Variants in PRKCE observed in about 807,000 individuals in gnomAD.
PRKCE encodes protein kinase C epsilon type.
PRKCE carries 16 observed loss-of-function variants against 85.4 expected under a neutral mutation model. The ratio of observed to expected loss-of-function variants is 0.19; its 90% CI spans 0.13 to 0.28. The LOEUF is 0.28. PRKCE is among the 10% of genes least tolerant of loss of function. The pLI, the probability that PRKCE is intolerant of heterozygous loss-of-function variation, is 1.00. For missense variants in PRKCE, 573 were observed against 975.2 expected, an observed-to-expected ratio of 0.59 and a Z score of 5.49; for synonymous variants, 388 against 371.5, an observed-to-expected ratio of 1.04 and a Z score of -0.51.
chr2:45,823,013 C>A (rs895014631), intron 1 of PRKCE, among the ~76,000 whole-genome samples: 2 of 152,168 alleles, frequency 1.3e-5, no homozygotes, highest in Admixed American at 6.5e-5. Flanking sequence ...TCCTGTTAAA[C>A]CCCCACTCCC....
intron 2 of PRKCE, among the ~76,000 whole-genome samples, chr2:45,951,750 G>A (rs1487671635): frequency 6.6e-6 from 1 of 152,254 alleles, no homozygotes; most frequent in African/African-American, 2.4e-5. Context: ...TTTGTGCCAA[G>A]CTGGATCAAA....
intron 10 of PRKCE, among the ~76,000 whole-genome samples, chr2:46,021,099 G>T (rs925784196): frequency 6.6e-6 from 1 of 152,162 alleles, no homozygotes; most frequent in Admixed American, 6.5e-5. Context: ...CTGGGGCATT[G>T]GGGGGCAGGG....
chr2:45,742,618 GCATGTTGGTGAGGATGTGGAGATAA>G (rs1017680916), intron 1 of PRKCE, among the ~76,000 whole-genome samples: 5 of 152,126 alleles, frequency 3.3e-5, no homozygotes, highest in Admixed American at 2.0e-4. Context: ...AGATAATACT[GCATGTTGGTGAGGATGTGGAGATAA>G]CATGTTGGTG....
chr2:45,805,276 T>C (rs1688157620), intron 1 of PRKCE, among the ~76,000 whole-genome samples: 2 of 152,288 alleles, frequency 1.3e-5, no homozygotes, highest in South Asian at 2.1e-4. Flanking sequence ...TCAAACCCAG[T>C]TGGACAGCAT....
At chr2:46,110,252 T>G (rs772829415) in intron 11 of PRKCE, among the ~76,000 whole-genome samples, 13 of 152,290 alleles carry the variant, frequency 8.5e-5, no homozygotes, top group Admixed American at 2.6e-4. Context: ...TGGAACAGAT[T>G]GTGGATAATT....
rs989878420 is a variant in PRKCE, at chr2:46,007,889, A to T, written c.1263+228A>T. Among the ~76,000 whole-genome samples, 3 of 152,302 alleles carry T rather than the reference A, an allele frequency of 2.0e-5. No homozygotes were observed. The South Asian group carries it at 6.2e-4, about 32-fold the overall frequency. On this transcript the variant is annotated intron_variant, in intron 9 of 14. Coordinates refer to ENST00000306156, the MANE Select transcript of PRKCE (RefSeq NM_005400.3). The stretch of plus-strand genomic sequence containing the variant: ...AGTGATTTAATCTCTTTGGAATTCA[A>T]TTTTTCTCATTTGTTGAATGGGGAC...
chr2:46,095,804 A>C (rs1670627179), intron 11 of PRKCE, among the ~76,000 whole-genome samples: 2 of 152,246 alleles, frequency 1.3e-5, no homozygotes. Flanking sequence ...TGAATATTCA[A>C]TATCTACAGT....
intron 2 of PRKCE, among the ~76,000 whole-genome samples, chr2:45,964,161 A>C (rs1251916556): frequency 2.0e-5 from 3 of 152,086 alleles, no homozygotes; most frequent in Non-Finnish European, 4.4e-5. Context: ...TCGAGGGAGG[A>C]ATGTCCCACT....
At chr2:45,781,164 C>CA (rs1686154070) in intron 1 of PRKCE, among the ~76,000 whole-genome samples, 2 of 150,356 alleles carry the variant, frequency 1.3e-5, no homozygotes, top group African/African-American at 2.5e-5. Flanking sequence ...GAGACCCCCC[C>CA]ATCTCTACAA....
In PRKCE at chr2:46,184,291, C is replaced by T. The variant is rs143309449; in HGVS notation, c.2068-444C>T. ...GGATGTCACCTGGAGCAGATGTGGCCGGGTTATGGGGAAGAAGGACCTCTG... is the reference window on the plus strand; with the variant it reads ...GGATGTCACCTGGAGCAGATGTGGCTGGGTTATGGGGAAGAAGGACCTCTG... On this transcript the variant is annotated intron_variant, in intron 14 of 14. Transcript: ENST00000306156. The surrounding 1 kb of genome is among the most constrained non-coding windows in gnomAD (Gnocchi z 5.0). 2.0e-4 allele frequency among the ~76,000 whole-genome samples: 31 copies of T among 152,052 alleles called. No individual in the cohort carries two copies. Among genetic ancestry groups the T allele is most frequent in the Admixed American group, 5.2e-4 (8 of 15,268 alleles).
intron 14 of PRKCE, chr2:46,166,649 C>T (rs189397294): frequency 6.6e-6 from 1 of 152,340 alleles, no homozygotes; most frequent in Admixed American, 6.5e-5. Context: ...CTTGAGCCTC[C>T]TTATCTGTAA....
At chr2:45,923,738 A>G (rs1288321222) in intron 2 of PRKCE, among the ~76,000 whole-genome samples, 1 of 152,116 alleles carries the variant, frequency 6.6e-6, no homozygotes, top group Non-Finnish European at 1.5e-5. Context: ...CCTCAAGTTC[A>G]GGGGGTTGGG....
At chr2:45,716,118 T>C (rs1680063825) in intron 1 of PRKCE, among the ~76,000 whole-genome samples, 1 of 152,210 alleles carries the variant, frequency 6.6e-6, no homozygotes, top group Admixed American at 6.5e-5. Flanking sequence ...TTCAATTGAA[T>C]AGGGGCCCAG....
In PRKCE at chr2:45,767,656, A is replaced by T. The variant is rs146996306; in HGVS notation, c.349-75344A>T. ...GCCTTGAAGTTTTATTAAGGATCAA[A>T]GGAACGGCCTTACAAAGAATGTGCC... On this transcript the variant is annotated intron_variant, in intron 1 of 14. Transcript: ENST00000306156. Among the ~76,000 whole-genome samples, 23 of 152,344 alleles carry T rather than the reference A, an allele frequency of 1.5e-4. No individual in the cohort carries two copies. In the East Asian group the frequency reaches 4.4e-3, roughly 29 times the overall value.
chr2:45,949,233 T>G (rs893681377), intron 2 of PRKCE, among the ~76,000 whole-genome samples: 4 of 152,256 alleles, frequency 2.6e-5, no homozygotes, highest in Non-Finnish European at 2.9e-5. Flanking sequence ...CCACCGGCAG[T>G]ATGCAAGAGT....
intron 1 of PRKCE, among the ~76,000 whole-genome samples, chr2:45,734,161 T>C (rs745880408): frequency 6.6e-6 from 1 of 152,118 alleles, no homozygotes; most frequent in Non-Finnish European, 1.5e-5. Flanking sequence ...GGTCAATAGA[T>C]TGAGACCATC....
At chr2:45,681,858 T>C (rs1054204728) in intron 1 of PRKCE, among the ~76,000 whole-genome samples, 36 of 152,182 alleles carry the variant, frequency 2.4e-4, no homozygotes, top group Non-Finnish European at 5.9e-5. Flanking sequence ...CTGTGACATG[T>C]ATTGTCTGAG....
At chr2:46,047,958 C>G (rs1708626780) in intron 10 of PRKCE, among the ~76,000 whole-genome samples, 1 of 152,152 alleles carries the variant, frequency 6.6e-6, no homozygotes, top group Non-Finnish European at 1.5e-5. Flanking sequence ...AGCTGGGTAG[C>G]TCATTAAATG....
chr2:46,107,593 T>C (rs756333298), intron 11 of PRKCE, among the ~76,000 whole-genome samples: 1 of 152,226 alleles, frequency 6.6e-6, no homozygotes, highest in African/African-American at 2.4e-5. Flanking sequence ...AATTGCTGGA[T>C]TATATGGAAG....
Sources: allele counts gnomAD v4.1 joint callset (sites outside exome capture counted in the v4.1 genomes callset), GRCh38; gene constraint gnomAD v4.1.1; non-coding constraint Gnocchi (gnomAD v3.1); transcripts MANE v1.5; gene names NCBI Gene and HGNC (gene_info 2026-07-23, HGNC 2026-07-21).